EYS: variants seen among roughly 807,000 people sequenced by gnomAD.
The protein encoded by EYS is protein eyes shut homolog.
Under a neutral mutation model 282.1 loss-of-function variants are expected in EYS, and 250 were observed. The ratio of observed to expected loss-of-function variants is 0.89; its 90% CI spans 0.80 to 0.98. The LOEUF is 0.98. Ranked by LOEUF, EYS falls within the 50% of genes least tolerant of loss-of-function variation. The pLI is 0.00. For synonymous variants in EYS, 1,355 were observed against 1,282.9 expected (o/e 1.06, Z -1.20); for missense variants, 4,016 against 3,709.0 (o/e 1.08, Z -2.15).
chr6:65,349,573 A>G (rs1770524919), intron 9 of EYS, among the ~76,000 whole-genome samples: 1 of 151,552 alleles, frequency 6.6e-6, no homozygotes, highest in Non-Finnish European at 1.5e-5. Flanking sequence ...TGTATGATAT[A>G]CAACATGATA....
Position 64,512,572 on chromosome 6 carries a change from G to A in EYS, c.5645-73220C>T, listed in dbSNP as rs1328217. 2.8e-3 allele frequency among the ~76,000 whole-genome samples: 423 copies of A among 151,830 alleles called. 4 individuals are homozygous for A. The highest frequency in any genetic ancestry group is 9.7e-3 in the African/African-American group (403 of 41,420). Reference sequence around the variant, plus strand: ...AAAGAGAGAAGAGAAAATCAGCCTTGGGAAAGAGAGTTGAAGATTACAATA... The same window carrying A: ...AAAGAGAGAAGAGAAAATCAGCCTTAGGAAAGAGAGTTGAAGATTACAATA... On this transcript the variant is annotated intron_variant, in intron 26 of 42. Transcript: ENST00000503581.
intron 2 of EYS, among the ~76,000 whole-genome samples, chr6:65,627,037 C>T (rs934896164): frequency 6.6e-6 from 1 of 151,204 alleles, no homozygotes; most frequent in Non-Finnish European, 1.5e-5. Context: ...CTCTTTCTTT[C>T]TCTCTTTCTT....
At chr6:63,757,515 G>T (rs536764776) in intron 41 of EYS, among the ~76,000 whole-genome samples, 1 of 152,016 alleles carries the variant, frequency 6.6e-6, no homozygotes, top group South Asian at 2.1e-4. Context: ...ATCTTTATTG[G>T]CCTCAGAAGC....
rs574514318 is a variant in EYS, at chr6:64,304,739, T to C, written c.6191+2231A>G. ...AAGTAAAACCAGAAAATTTATAAATTTGTGGAAACTGAACAACATTCTGTT... is the reference window on the plus strand; with the variant it reads ...AAGTAAAACCAGAAAATTTATAAATCTGTGGAAACTGAACAACATTCTGTT... On this transcript the variant is annotated intron_variant, in intron 30 of 42. Coordinates refer to ENST00000503581, the MANE Select transcript of EYS (RefSeq NM_001142800.2). Among the ~76,000 whole-genome samples the C allele has an allele frequency of 5.9e-5, 9 of 152,346 alleles. 1 individual carries two copies. In the South Asian group the frequency reaches 8.3e-4, roughly 14 times the overall value.
intron 41 of EYS, among the ~76,000 whole-genome samples, chr6:63,761,096 A>G (rs1769628974): frequency 6.7e-6 from 1 of 150,236 alleles, no homozygotes; most frequent in Non-Finnish European, 1.5e-5. Flanking sequence ...CTAGATACTC[A>G]ACAGACATGG....
At chr6:65,153,362 AATGT>A (rs1764659213) in intron 12 of EYS, among the ~76,000 whole-genome samples, 2 of 96,060 alleles carry the variant, frequency 2.1e-5, no homozygotes, top group Middle Eastern at 5.2e-3. Context: ...AGAGATCATA[AATGT>A]GTGTGTGTGT....
rs182889303 is a variant in EYS, at chr6:65,399,738, C to T, written c.1184+2740G>A. On this transcript the variant is annotated intron_variant, in intron 7 of 42. Transcript: ENST00000503581. ...TCAGTTGTAAATAACATAATCCTAA[C>T]TCAAACAGACTAAACCAATGCAGGG... 2.0e-5 allele frequency among the ~76,000 whole-genome samples: 3 copies of T among 152,064 alleles called. No individual in the cohort carries two copies. In the East Asian group the frequency reaches 5.8e-4, roughly 29 times the overall value.
At chr6:65,177,901 C>T (rs887070872) in intron 12 of EYS, among the ~76,000 whole-genome samples, 14 of 151,938 alleles carry the variant, frequency 9.2e-5, no homozygotes, top group African/African-American at 3.4e-4. Flanking sequence ...AGCAACAATG[C>T]ATCATGTATG....
At chr6:64,506,296 C>T (rs1777203591) in intron 26 of EYS, among the ~76,000 whole-genome samples, 1 of 151,950 alleles carries the variant, frequency 6.6e-6, no homozygotes, top group African/African-American at 2.4e-5. Context: ...ACTCTATGCC[C>T]ACTATTCATC....
chr6:65,237,165 G>A (rs1489534957), intron 12 of EYS, among the ~76,000 whole-genome samples: 3 of 152,138 alleles, frequency 2.0e-5, no homozygotes, highest in South Asian at 2.1e-4. Context: ...ATGCCTTTAC[G>A]CGAATAAACG....
At chr6:64,199,517 G>C (rs1765397870) in intron 31 of EYS, among the ~76,000 whole-genome samples, 1 of 152,118 alleles carries the variant, frequency 6.6e-6, no homozygotes, top group Admixed American at 6.5e-5. Context: ...ATAGGCATGG[G>C]CAAAGACTTC....
At chr6:64,836,683 T>C (rs78934815) in intron 19 of EYS, among the ~76,000 whole-genome samples, 3,066 of 151,762 alleles carry the variant, frequency 0.02, 45 homozygotes, top group Middle Eastern at 0.034. Context: ...AGCACATGGT[T>C]ACAATCTCGA....
At chr6:65,026,871 C>T (rs184963592) in intron 13 of EYS, among the ~76,000 whole-genome samples, 47 of 149,512 alleles carry the variant, frequency 3.1e-4, no homozygotes, top group Admixed American at 3.1e-3. Context: ...GAGCCAAGAT[C>T]GTGCCATTGC....
intron 35 of EYS, among the ~76,000 whole-genome samples, chr6:63,908,840 C>T (rs1773848715): frequency 1.3e-5 from 2 of 152,284 alleles, no homozygotes; most frequent in South Asian, 4.1e-4. Context: ...CCTGACCTCA[C>T]TTCTTCACTA....
chr6:65,178,804 G>C (rs1258419313), intron 12 of EYS, among the ~76,000 whole-genome samples: 2 of 152,014 alleles, frequency 1.3e-5, no homozygotes, highest in African/African-American at 2.4e-5. Flanking sequence ...TGACCGTATA[G>C]TTGGAAGTAA....
intron 22 of EYS, among the ~76,000 whole-genome samples, chr6:64,716,951 C>G (rs1475438787): frequency 4.6e-5 from 7 of 152,086 alleles, no homozygotes; most frequent in South Asian, 4.1e-4. Context: ...AAGTAGGACT[C>G]TTGGTATTTT....
intron 5 of EYS, among the ~76,000 whole-genome samples, chr6:65,471,652 A>G (rs1345732520): frequency 6.6e-6 from 1 of 152,178 alleles, no homozygotes; most frequent in Non-Finnish European, 1.5e-5. Flanking sequence ...ATTAGAAAGA[A>G]AAATATTCCT....
intron 33 of EYS, among the ~76,000 whole-genome samples, chr6:64,056,282 C>G (rs1770981226): frequency 6.6e-6 from 1 of 152,186 alleles, no homozygotes; most frequent in Non-Finnish European, 1.5e-5. Flanking sequence ...AGAATACACA[C>G]TCTTAACTTC....
rs190550448 is a variant in EYS, at chr6:65,324,787, T to A, written c.1766+10193A>T. 2.7e-3 allele frequency among the ~76,000 whole-genome samples: 415 copies of A among 152,346 alleles called. 2 individuals are homozygous for A. The highest frequency in any genetic ancestry group is 9.6e-3 in the African/African-American group (400 of 41,584). On this transcript the variant is annotated intron_variant, in intron 11 of 42. Coordinates refer to ENST00000503581, the MANE Select transcript of EYS (RefSeq NM_001142800.2). Reference sequence around the variant, plus strand: ...TTTCTGAGGTTGTTTTTATCATTTTTAAAATGAAATTAATGATCCTTCCTT... The same window carrying A: ...TTTCTGAGGTTGTTTTTATCATTTTAAAAATGAAATTAATGATCCTTCCTT...
Sources: allele counts gnomAD v4.1 joint callset (sites outside exome capture counted in the v4.1 genomes callset), GRCh38; gene constraint gnomAD v4.1.1; transcripts MANE v1.5; gene names NCBI Gene and HGNC (gene_info 2026-07-23, HGNC 2026-07-21).